RBFOX1: variants seen among roughly 807,000 people sequenced by gnomAD.
The protein encoded by RBFOX1 is RNA binding protein fox-1 homolog 1.
In RBFOX1, 8 loss-of-function variants were observed where a neutral mutation model predicts 57.7. That is an observed-to-expected ratio of 0.14 (90% CI 0.08 to 0.25). The LOEUF is 0.25. Among genes scored for constraint, RBFOX1 ranks in the 10% least tolerant of loss-of-function variants. The pLI, the probability that RBFOX1 is intolerant of heterozygous loss-of-function variation, is 1.00. For missense variants in RBFOX1, 611 were observed against 548.5 expected (o/e 1.11, Z -1.14); for synonymous variants, 326 against 222.4 (o/e 1.47, Z -4.15).
At chr16:5,646,716 CCT>C (rs1325907307) in intron 3 of RBFOX1, among the ~76,000 whole-genome samples, 2 of 152,092 alleles carry the variant, frequency 1.3e-5, no homozygotes, top group East Asian at 3.9e-4. Flanking sequence ...CTCACTGCAA[CCT>C]CTGTCTTCCA....
chr16:7,010,954 C>T (rs117058962), intron 3 of RBFOX1, among the ~76,000 whole-genome samples: 1 of 152,176 alleles, frequency 6.6e-6, no homozygotes. Flanking sequence ...GGGCCTTGGG[C>T]AAGAGGATAA....
intron 4 of RBFOX1, among the ~76,000 whole-genome samples, chr16:7,336,248 T>C (rs1220988194): frequency 6.6e-6 from 1 of 152,204 alleles, no homozygotes; most frequent in Non-Finnish European, 1.5e-5. Context: ...AACAGCTTTG[T>C]AACTGGTTAG....
chr16:7,073,936 A>G (rs1350763217), intron 4 of RBFOX1, among the ~76,000 whole-genome samples: 2 of 152,184 alleles, frequency 1.3e-5, no homozygotes, highest in African/African-American at 4.8e-5. Flanking sequence ...AGTGTTTGGC[A>G]AGCCACAGTT....
At chr16:5,558,978 G>T (rs1392336093) in intron 2 of RBFOX1, among the ~76,000 whole-genome samples, 1 of 152,084 alleles carries the variant, frequency 6.6e-6, no homozygotes, top group Non-Finnish European at 1.5e-5. Context: ...GGGTCAGAGG[G>T]AGGTGATCCC....
intron 3 of RBFOX1, among the ~76,000 whole-genome samples, chr16:6,886,478 C>T (rs552623169): frequency 4.9e-4 from 74 of 152,062 alleles, no homozygotes; most frequent in African/African-American, 1.6e-3. Flanking sequence ...GTAGGCCCAG[C>T]GCGGTGGCTC....
At chr16:6,961,864 G>A (rs1458605096) in intron 3 of RBFOX1, among the ~76,000 whole-genome samples, 1 of 152,126 alleles carries the variant, frequency 6.6e-6, no homozygotes, top group Non-Finnish European at 1.5e-5. Flanking sequence ...TTGCCATCCT[G>A]GTTTGGGTGG....
intron 4 of RBFOX1, among the ~76,000 whole-genome samples, chr16:7,140,863 A>G (rs79541706): frequency 0.012 from 1,867 of 152,318 alleles, 21 homozygotes; most frequent in South Asian, 0.027. Flanking sequence ...GGATTTCATG[A>G]AGCTCTTTTG....
At chr16:6,116,389 C>G (rs2096496103) in intron 1 of RBFOX1, among the ~76,000 whole-genome samples, 1 of 152,142 alleles carries the variant, frequency 6.6e-6, no homozygotes, top group Non-Finnish European at 1.5e-5. Context: ...GCACATTCTG[C>G]ACATGTATCC....
At chr16:5,320,837 C>T (rs913597156) in intron 1 of RBFOX1, among the ~76,000 whole-genome samples, 11 of 152,096 alleles carry the variant, frequency 7.2e-5, no homozygotes, top group South Asian at 4.1e-4. Context: ...GCCCTAGGCA[C>T]GAGGGGGTTC....
At chr16:5,277,554 C>T (rs1435354945) in intron 1 of RBFOX1, among the ~76,000 whole-genome samples, 1 of 152,184 alleles carries the variant, frequency 6.6e-6, no homozygotes, top group Non-Finnish European at 1.5e-5. Flanking sequence ...TAATCAACCT[C>T]TTTTCAAACC....
At chr16:7,206,917 C>CA (rs1567705785) in intron 4 of RBFOX1, among the ~76,000 whole-genome samples, 1 of 152,142 alleles carries the variant, frequency 6.6e-6, no homozygotes, top group African/African-American at 2.4e-5. Context: ...TTGCTTCTTA[C>CA]AGCATGGTCT....
chr16:6,108,691 C>G (rs2096410340), intron 1 of RBFOX1, among the ~76,000 whole-genome samples: 1 of 152,106 alleles, frequency 6.6e-6, no homozygotes, highest in African/African-American at 2.4e-5. Context: ...GCTACTGGGC[C>G]TATCTCCTTC....
chr16:7,165,267 A>T (rs2079182953), intron 4 of RBFOX1, among the ~76,000 whole-genome samples: 1 of 151,908 alleles, frequency 6.6e-6, no homozygotes, highest in African/African-American at 2.4e-5. Context: ...ATGCCTAAGC[A>T]AGGGGGCAGA....
intron 4 of RBFOX1, among the ~76,000 whole-genome samples, chr16:7,338,345 C>T (rs1456023426): frequency 6.6e-6 from 1 of 152,090 alleles, no homozygotes; most frequent in Non-Finnish European, 1.5e-5. Context: ...CCAATGTATG[C>T]CTCTCTGACG....
chr16:5,603,914 G>C (rs1291747611), downstream of RBFOX1, among the ~76,000 whole-genome samples: 5 of 152,036 alleles, frequency 3.3e-5, no homozygotes, highest in Admixed American at 1.3e-4. Flanking sequence ...TCTCTTTCTT[G>C]ATATAGTAGA....
At chr16:5,873,331 T>G (rs2057524548) in intron 4 of RBFOX1, among the ~76,000 whole-genome samples, 1 of 152,206 alleles carries the variant, frequency 6.6e-6, no homozygotes. Flanking sequence ...TTGGAGTTAA[T>G]GGCCCTCTTG....
chr16:6,765,656 C>T (rs1432349909), intron 3 of RBFOX1, among the ~76,000 whole-genome samples: 1 of 152,190 alleles, frequency 6.6e-6, no homozygotes, highest in Non-Finnish European at 1.5e-5. Flanking sequence ...AATACTGGGT[C>T]TCTACCCAGA....
chr16:6,840,275 A>C (rs2093385956), intron 3 of RBFOX1, among the ~76,000 whole-genome samples: 1 of 152,182 alleles, frequency 6.6e-6, no homozygotes. Flanking sequence ...ACACTGAAAG[A>C]CCTTCCGAAA....
intron 1 of RBFOX1, among the ~76,000 whole-genome samples, chr16:6,298,676 A>G (rs2078430276): frequency 6.6e-6 from 1 of 152,154 alleles, no homozygotes; most frequent in Non-Finnish European, 1.5e-5. Flanking sequence ...AAAAGTGAAA[A>G]TACCCTTAGT....
Sources: gnomAD v4.1 joint callset for allele counts (sites outside exome capture counted in the v4.1 genomes callset) on GRCh38, gnomAD v4.1.1 for gene constraint, MANE v1.5 for transcripts, NCBI Gene and HGNC (gene_info 2026-07-23, HGNC 2026-07-21) for gene names.